Variants in DARS2 observed in about 807,000 individuals in gnomAD.
The protein encoded by DARS2 is aspartyl-tRNA synthetase 2, mitochondrial, also known as aspartate--tRNA ligase, mitochondrial.
Under a neutral mutation model 83.0 loss-of-function variants are expected in DARS2, and 63 were observed. The observed-to-expected ratio is 0.76, with a 90% confidence interval of 0.62 to 0.94. The LOEUF (loss-of-function observed/expected upper bound fraction) is 0.94, where lower values mean the gene tolerates loss of function less well. DARS2 is among the 40% of genes least tolerant of loss of function. The pLI, the probability that DARS2 is intolerant of heterozygous loss-of-function variation, is 0.00. For missense variants in DARS2, 675 were observed against 774.4 expected (o/e 0.87, Z 1.52); for synonymous variants, 250 against 269.3 (o/e 0.93, Z 0.70).
rs969622708 is a variant in DARS2, at chr1:173,847,671, A to G, written c.1191+2380A>G. Reference sequence around the variant, plus strand: ...TCATTTGCTCTAGCCTGCCCCATCCATCCTAGTATTCTGCCAGAGTATCTC... The same window carrying G: ...TCATTTGCTCTAGCCTGCCCCATCCGTCCTAGTATTCTGCCAGAGTATCTC... On this transcript the variant is annotated intron_variant, in intron 12 of 16. Transcript: ENST00000649689. 4.6e-5 allele frequency among the ~76,000 whole-genome samples: 7 copies of G among 152,202 alleles called. No individual in the cohort carries two copies. In the East Asian group the frequency reaches 1.2e-3, roughly 25 times the overall value.
rs187301959 is a variant in DARS2, at chr1:173,855,297, T to C, written c.1675-1369T>C. On this transcript the variant is annotated intron_variant, in intron 15 of 16. Transcript: ENST00000649689. ...TTGTATTTTTAGTAGAGACAGAGTT[T>C]CACCATGTTGGCCGGGCTGGTCTCG... Among the ~76,000 whole-genome samples, 54 of 152,174 alleles carry C rather than the reference T, an allele frequency of 3.5e-4. 1 individual carries two copies. The East Asian group carries it at 7.2e-3, about 20-fold the overall frequency.
chr1:173,825,134 G>C lies in DARS2; in HGVS notation c.-96G>C, dbSNP rs1652427623. 3 of 1,564,002 alleles carry C rather than the reference G, an allele frequency of 1.9e-6. No homozygotes were observed. Among genetic ancestry groups the C allele is most frequent in the Non-Finnish European group, 2.6e-6 (3 of 1,144,502 alleles). On this transcript the variant is annotated 5_prime_UTR_variant, in exon 1 of 17. Transcript: ENST00000649689. ...TTCGAGAAGAGAGTGGGAACTCCTG[G>C]AATTTTAAGGGATTTCTGTGTATTT...
At chr1:173,856,788 G>A (rs770512496) in intron 16 of DARS2, 47 bp downstream of exon 16, 1 of 1,524,190 alleles carries the variant, frequency 6.6e-7, no homozygotes, top group Admixed American at 1.7e-5. Context: ...CCATTGCACT[G>A]TCTCAAATTC....
chr1:173,837,146 GA>G, intron 8 of DARS2, 100 bp downstream of exon 8: 2 of 1,063,264 alleles, frequency 1.9e-6, no homozygotes, highest in South Asian at 1.3e-5. Context: ...GAGAAGGATA[GA>G]AAATTTATGA....
Position 173,834,519 on chromosome 1 carries a change from G to T in DARS2, c.663G>T (p.Gly221=). ...CCACATTGTTTAAGAGGACCCCAGG[G>T]GTATGTATATTCCTTCAATCAGTCT... ...ETPTLFKRTP[G]GAKEFLVPSR... The change falls in exon 7 of 17, where the codon GGG becomes GGT. Residue 221 remains glycine (G), a splice_region_variant and synonymous_variant. Transcript: ENST00000649689. 2 of 1,602,020 alleles carry T rather than the reference G, an allele frequency of 1.2e-6. No individual in the cohort carries two copies. Among genetic ancestry groups the T allele is most frequent in the East Asian group, 2.2e-5 (1 of 44,712 alleles).
At chr1:173,852,211 A>T (rs190156642) in intron 13 of DARS2, 1 of 985,456 alleles carries the variant, frequency 1.0e-6, no homozygotes, top group Non-Finnish European at 1.2e-6. Context: ...CTCTAGGCAT[A>T]TGTCACTGTT....
At chr1:173,839,916 A>G (rs1653145123) in intron 10 of DARS2, among the ~76,000 whole-genome samples, 1 of 152,228 alleles carries the variant, frequency 6.6e-6, no homozygotes, top group Admixed American at 6.5e-5. Context: ...AAGCTCAAAC[A>G]TATGACAATG....
In DARS2 at chr1:173,838,203, G is replaced by T. The variant is rs748277993; in HGVS notation, c.784G>T (p.Ala262Ser). The change falls in exon 9 of 17, where the codon GCC becomes TCC. Residue 262 changes from alanine (A) to serine (S), a missense_variant. Ala to Ser is a moderately conservative substitution (Grantham distance 99). Coordinates refer to ENST00000649689, the MANE Select transcript of DARS2 (RefSeq NM_018122.5). ...VGGLDRYFQV[A>S]RCYRDEGSRP... ...TCTCAATTGTAGATATTTTCAGGTTGCCCGATGTTATCGAGATGAAGGTTC... is the reference window on the plus strand; with the variant it reads ...TCTCAATTGTAGATATTTTCAGGTTTCCCGATGTTATCGAGATGAAGGTTC... The T allele has an allele frequency of 6.2e-7, 1 of 1,613,198 alleles. No homozygotes were observed. The highest frequency in any genetic ancestry group is 1.7e-5 in the Admixed American group (1 of 60,022).
intron 16 of DARS2, 113 bp from the exon 17 acceptor site, chr1:173,857,405 C>T: frequency 9.4e-7 from 1 of 1,064,250 alleles, no homozygotes; most frequent in South Asian, 1.4e-5. Flanking sequence ...TGGTTGGCTA[C>T]AGTTTGTTAA....
chr1:173,834,951 G>A (rs1450693211), intron 7 of DARS2, among the ~76,000 whole-genome samples: 2 of 150,754 alleles, frequency 1.3e-5, no homozygotes, highest in African/African-American at 2.4e-5. Flanking sequence ...GCTAACTTTT[G>A]TATTTACTTT....
Position 173,825,267 on chromosome 1 carries a change from G to A in DARS2, c.38G>A (p.Gly13Asp). ...FPSWLSQLYR[G>D]LSRPIRRTTQ... is the part of the protein sequence containing the mutation. ...TCTTGGTTAAGTCAGCTGTACAGGG[G>A]TTTATCCAGACCCATCAGAAGGACC... The change falls in exon 1 of 17, where the codon GGT becomes GAT. Residue 13 changes from glycine to aspartate, a missense_variant. Transcript: ENST00000649689. 2 of 1,613,466 alleles carry A rather than the reference G, an allele frequency of 1.2e-6. No homozygotes were observed. The highest frequency in any genetic ancestry group is 1.7e-6 in the Non-Finnish European group (2 of 1,179,676).
intron 12 of DARS2, among the ~76,000 whole-genome samples, chr1:173,846,027 G>A (rs1256670722): frequency 3.3e-5 from 5 of 151,984 alleles, no homozygotes; most frequent in Non-Finnish European, 5.9e-5. Context: ...GCGTGGTGGC[G>A]CGGGCCTGTA....
chr1:173,826,124 C>G (rs935334036), intron 1 of DARS2, among the ~76,000 whole-genome samples: 1 of 150,892 alleles, frequency 6.6e-6, no homozygotes, highest in Non-Finnish European at 1.5e-5. Flanking sequence ...CTGGGGAGGC[C>G]GAGGCAGGAG....
rs1285565664 is a variant in DARS2, at chr1:173,825,341, C to G, written c.112C>G (p.Gln38Glu). The G allele has an allele frequency of 6.2e-7, 1 of 1,613,390 alleles. No homozygotes were observed. Among genetic ancestry groups the G allele is most frequent in the East Asian group, 2.2e-5 (1 of 44,856 alleles). ...SLYRSLLQSS[Q>E]RRIPEFSSFV... ...CTACAGAAGTCTGTTGCAGAGTTCA[C>G]AGAGGAGAATTCCAGGTGAAAATAG... The change falls in exon 1 of 17, where the codon CAG (glutamine) becomes GAG (glutamate). Residue 38 changes from glutamine (Q) to glutamate (E), a missense_variant. Transcript: ENST00000649689.
In DARS2 at chr1:173,838,270, A is replaced by G. The variant is rs1405326656; in HGVS notation, c.840+11A>G. The G allele has an allele frequency of 6.2e-7, 1 of 1,605,380 alleles. No homozygotes were observed. The highest frequency in any genetic ancestry group is 8.5e-7 in the Non-Finnish European group (1 of 1,172,196). ...CCTGAGTTTACTCAGGTACAAAGTT[A>G]TATTCACTTGTTTCTTAAAATTCAG... is the stretch of plus-strand genomic sequence containing the variant. On this transcript the variant is annotated intron_variant, in intron 9 of 16. Coordinates refer to ENST00000649689, the MANE Select transcript of DARS2 (RefSeq NM_018122.5).
chr1:173,827,454 C>A (rs548218013), intron 2 of DARS2, among the ~76,000 whole-genome samples: 1 of 152,140 alleles, frequency 6.6e-6, no homozygotes, highest in East Asian at 1.9e-4. Context: ...ATGATGAAAC[C>A]CCGTCTCTAC....
intron 15 of DARS2, among the ~76,000 whole-genome samples, chr1:173,855,975 T>C (rs1440179437): frequency 6.6e-6 from 1 of 152,114 alleles, no homozygotes; most frequent in East Asian, 1.9e-4. Flanking sequence ...ATACATTACT[T>C]CTGTTGCTTC....
Position 173,828,088 on chromosome 1 carries a change from T to C in DARS2, c.228-245T>C, listed in dbSNP as rs7552840. On this transcript the variant is annotated intron_variant, in intron 2 of 16. Transcript: ENST00000649689. ...ATTAATATACCAGGTAAGTAGACAATAAAAATTGAAACTGAAATAAAAAAC... is the reference window on the plus strand; with the variant it reads ...ATTAATATACCAGGTAAGTAGACAACAAAAATTGAAACTGAAATAAAAAAC... 0.091 allele frequency among the ~76,000 whole-genome samples: 13,813 copies of C among 152,076 alleles called. 2,023 individuals carry two copies. Among genetic ancestry groups the C allele is most frequent in the African/African-American group, 0.31 (12,777 of 41,458 alleles).
At chr1:173,840,342 G>A (rs560389362) in intron 10 of DARS2, among the ~76,000 whole-genome samples, 8 of 152,274 alleles carry the variant, frequency 5.3e-5, no homozygotes, top group African/African-American at 1.4e-4. Flanking sequence ...GGGTTCAAGC[G>A]ATTCTCCTGC....
Sources: gnomAD v4.1 joint callset for allele counts (sites outside exome capture counted in the v4.1 genomes callset) on GRCh38, gnomAD v4.1.1 for gene constraint, MANE v1.5 for transcripts, NCBI Gene and HGNC (gene_info 2026-07-23, HGNC 2026-07-21) for gene names.